GRAMD1B: variants seen among roughly 807,000 people sequenced by gnomAD.
GRAMD1B encodes the protein protein Aster-B.
A neutral mutation model predicts 99.7 loss-of-function variants in GRAMD1B; 37 were observed. The ratio of observed to expected loss-of-function variants is 0.37; its 90% CI spans 0.29 to 0.49. The LOEUF is 0.49. GRAMD1B is among the 20% of genes least tolerant of loss of function. The probability of loss-of-function intolerance (pLI) is 0.98; values close to 1 mark genes in which losing one functional copy is unlikely to be tolerated. For missense variants in GRAMD1B, 888 were observed against 1,009.2 expected, an observed-to-expected ratio of 0.88 and a Z score of 1.63; for synonymous variants, 427 against 387.6, an observed-to-expected ratio of 1.10 and a Z score of -1.19.
intron 1 of GRAMD1B, among the ~76,000 whole-genome samples, chr11:123,412,319 C>G (rs1255889366): frequency 1.3e-5 from 2 of 152,172 alleles, no homozygotes; most frequent in African/African-American, 4.8e-5. Context: ...TAAAGAAAAA[C>G]TAAAGCCATT....
intron 2 of GRAMD1B, among the ~76,000 whole-genome samples, chr11:123,552,374 C>A (rs1186535462): frequency 1.3e-5 from 2 of 150,952 alleles, no homozygotes; most frequent in East Asian, 3.9e-4. Context: ...TCACTGCAGC[C>A]TCCAATGCTC....
chr11:123,398,743 C>T (rs983944002), intron 1 of GRAMD1B, among the ~76,000 whole-genome samples: 9 of 151,960 alleles, frequency 5.9e-5, no homozygotes, highest in African/African-American at 2.2e-4. Context: ...ATTTGAATAT[C>T]TTATTAAAAA....
At chr11:123,413,447 A>G (rs1356340156) in intron 1 of GRAMD1B, among the ~76,000 whole-genome samples, 1 of 152,056 alleles carries the variant, frequency 6.6e-6, no homozygotes, top group Non-Finnish European at 1.5e-5. Flanking sequence ...AACATCAGGA[A>G]GTGTAATTAT....
intron 7 of GRAMD1B, chr11:123,598,469 A>C: frequency 9.5e-7 from 1 of 1,049,382 alleles, no homozygotes; most frequent in Non-Finnish European, 1.5e-6. Context: ...CTACGTATTC[A>C]TAGATTTGGG....
rs946657451 is a variant in GRAMD1B at position 123,492,892 on chromosome 11, A to ACACACACACG, written c.452+12002_452+12003insACACACGCAC. ...CACACACACACACACACACACACAC[A>ACACACACACG]CACGCATAGGCATAGATGCCTGTGA... On this transcript the variant is annotated intron_variant, in intron 2 of 19. Coordinates refer to ENST00000635736, the MANE Select transcript of GRAMD1B (RefSeq NM_001387025.1). The surrounding 1 kb of genome is among the most constrained non-coding windows in gnomAD (Gnocchi z 4.2). 3.2e-4 allele frequency among the ~76,000 whole-genome samples: 48 copies of ACACACACACG among 151,730 alleles called. No homozygotes were observed. The highest frequency in any genetic ancestry group is 1.0e-3 in the African/African-American group (43 of 41,220).
chr11:123,528,197 A>T (rs1942996183), intron 2 of GRAMD1B, among the ~76,000 whole-genome samples: 1 of 152,060 alleles, frequency 6.6e-6, no homozygotes, highest in Non-Finnish European at 1.5e-5. Flanking sequence ...ACTAATGCTG[A>T]TACTCTGGTA....
At position 123,430,532 on chromosome 11, in the gene GRAMD1B, G is replaced by A; in HGVS notation, c.-261G>A. ...AGGGCTGCCGAGTGGCTGGCAGGCG[G>A]CTCCCGCCCCTCCCGGGTGGCCTCG... is the stretch of plus-strand genomic sequence containing the variant. On this transcript the variant is annotated 5_prime_UTR_variant, in exon 1 of 20. Coordinates refer to ENST00000635736, the MANE Select transcript of GRAMD1B (RefSeq NM_001387025.1). 1 of 443,838 alleles carries A rather than the reference G, an allele frequency of 2.3e-6. No individual in the cohort carries two copies. The highest frequency in any genetic ancestry group is 4.0e-6 in the Non-Finnish European group (1 of 252,124). 27.5% of individuals were successfully genotyped at this position (443,838 alleles called of 1,614,324 possible).
intron 1 of GRAMD1B, among the ~76,000 whole-genome samples, chr11:123,407,875 G>T (rs1947908852): frequency 1.3e-5 from 2 of 152,204 alleles, no homozygotes; most frequent in Non-Finnish European, 1.5e-5. Context: ...GGGGCTCACA[G>T]TCTAGGCTTT....
rs1424407150 is a variant in GRAMD1B at position 123,606,635 on chromosome 11, G to C, written c.1350G>C (p.Glu450Asp). ...VSFDGLPLEE[E>D]ALEGDGSLEK... ...TTGATGGGCTGCCCCTGGAGGAAGA[G>C]GCGCTGGAGGGAGACGGGTCCCTGG... Residue 450 changes from glutamate to aspartate, a missense_variant, in exon 11 of 20, where the codon GAG (glutamate) becomes GAC (aspartate). By Grantham distance (45) the Glu-to-Asp change is conservative. Transcript: ENST00000635736. 1.2e-6 allele frequency: 2 copies of C among 1,612,274 alleles called. No individual in the cohort carries two copies. The highest frequency in any genetic ancestry group is 2.2e-5 in the South Asian group (2 of 90,378).
At chr11:123,612,917 C>T in intron 15 of GRAMD1B, 53 bp downstream of exon 15, 2 of 981,602 alleles carry the variant, frequency 2.0e-6, no homozygotes. Context: ...GTAAACTGCA[C>T]TGCGGCCGCC....
intron 1 of GRAMD1B, among the ~76,000 whole-genome samples, chr11:123,466,373 AAAG>A (rs1950665871): frequency 2.0e-5 from 1 of 50,504 alleles, no homozygotes. Flanking sequence ...AAGGAAAAAG[AAAG>A]AGAGAGAGAA....
At chr11:123,447,140 T>C (rs73025917) in intron 1 of GRAMD1B, among the ~76,000 whole-genome samples, 4,107 of 152,214 alleles carry the variant, frequency 0.027, 79 homozygotes, top group Non-Finnish European at 0.044. Flanking sequence ...CAGGATCTGC[T>C]GGGTGGGAGA....
At position 123,613,567 on chromosome 11, in the gene GRAMD1B, C is replaced by A. The variant is rs761557898; in HGVS notation, c.2136C>A (p.Ala712=). The A allele has an allele frequency of 9.3e-6, 15 of 1,613,766 alleles. No homozygotes were observed. The South Asian group carries it at 1.6e-4, about 18-fold the overall frequency. The change falls in exon 16 of 20, where the codon GCC becomes GCA. Residue 712 remains alanine, a synonymous_variant. Coordinates refer to ENST00000635736, the MANE Select transcript of GRAMD1B (RefSeq NM_001387025.1). ...TTVRRRKRPH[A]HLRVPHLEEV... is the part of the protein sequence containing the mutation. ...TGCGGAGGAGGAAGCGTCCCCATGC[C>A]CACCTGCGAGTCCCTCACCTGGAAG...
intron 2 of GRAMD1B, among the ~76,000 whole-genome samples, chr11:123,520,659 A>G (rs1942111843): frequency 6.6e-6 from 1 of 151,522 alleles, no homozygotes; most frequent in African/African-American, 2.4e-5. Context: ...CGTGTCTGCA[A>G]TCCCAGCTAT....
chr11:123,578,544 G>T (rs1353112196), intron 3 of GRAMD1B: 1 of 780,708 alleles, frequency 1.3e-6, no homozygotes, highest in Non-Finnish European at 2.2e-6. Flanking sequence ...ATCCTGCTTG[G>T]TCCCTTTCCC....
At chr11:123,559,628 A>G in intron 2 of GRAMD1B, 1 of 982,796 alleles carries the variant, frequency 1.0e-6, no homozygotes, top group Non-Finnish European at 1.2e-6. Context: ...AGAGAAAAAA[A>G]AAACACTTCT....
At chr11:123,517,679 T>G (rs753253247) in intron 2 of GRAMD1B, among the ~76,000 whole-genome samples, 1 of 152,220 alleles carries the variant, frequency 6.6e-6, no homozygotes, top group Non-Finnish European at 1.5e-5. Context: ...CAATGAAGAA[T>G]GCGGTTTTTC....
chr11:123,453,807 A>G (rs1356430660), intron 1 of GRAMD1B, among the ~76,000 whole-genome samples: 1 of 152,180 alleles, frequency 6.6e-6, no homozygotes, highest in Non-Finnish European at 1.5e-5. Context: ...TGCCTGTTTT[A>G]TTATAGGGGA....
intron 2 of GRAMD1B, among the ~76,000 whole-genome samples, chr11:123,497,728 C>T (rs1307714488): frequency 6.6e-6 from 1 of 151,944 alleles, no homozygotes; most frequent in Non-Finnish European, 1.5e-5. Context: ...CAGTGAAACC[C>T]CGTCTCTACT....
Sources: gnomAD v4.1 joint callset for allele counts (sites outside exome capture counted in the v4.1 genomes callset) on GRCh38, gnomAD v4.1.1 for gene constraint, Gnocchi (gnomAD v3.1) non-coding constraint, MANE v1.5 for transcripts, NCBI Gene and HGNC (gene_info 2026-07-23, HGNC 2026-07-21) for gene names.